Variants in SASH1 observed in about 807,000 individuals in gnomAD.
SASH1 encodes SAM and SH3 domain containing 1, also known as SAM and SH3 domain-containing protein 1.
Under a neutral mutation model 125.2 loss-of-function variants are expected in SASH1, and 44 were observed. The ratio of observed to expected loss-of-function variants is 0.35; its 90% CI spans 0.28 to 0.45. The LOEUF (loss-of-function observed/expected upper bound fraction) is 0.45. Among genes scored for constraint, SASH1 ranks in the 20% least tolerant of loss-of-function variants. The pLI, the probability that SASH1 is intolerant of heterozygous loss-of-function variation, is 1.00. For synonymous variants in SASH1, 639 were observed against 649.1 expected, an observed-to-expected ratio of 0.98 and a Z score of 0.24; for missense variants, 1,426 against 1,614.5, an observed-to-expected ratio of 0.88 and a Z score of 2.00.
chr6:148,380,427 C>T (rs1404398172), intron 1 of SASH1, among the ~76,000 whole-genome samples: 2 of 152,188 alleles, frequency 1.3e-5, no homozygotes, highest in East Asian at 1.9e-4. Context: ...CACAGCCTCA[C>T]GTTTGTGTGC....
intron 1 of SASH1, among the ~76,000 whole-genome samples, chr6:148,371,708 A>C (rs1398728553): frequency 2.0e-5 from 3 of 152,064 alleles, no homozygotes; most frequent in African/African-American, 7.2e-5. Flanking sequence ...GTGGTCCTAA[A>C]TAAGGAAAGG....
At chr6:148,390,820 T>A (rs9485290) in intron 2 of SASH1, among the ~76,000 whole-genome samples, 40,649 of 151,840 alleles carry the variant, frequency 0.27, 5,503 homozygotes, top group South Asian at 0.38. Flanking sequence ...ATTTTTATTT[T>A]TTTACTTAAG....
intron 1 of SASH1, among the ~76,000 whole-genome samples, chr6:148,362,355 T>C (rs977582662): frequency 6.6e-6 from 1 of 151,928 alleles, no homozygotes; most frequent in Non-Finnish European, 1.5e-5. Flanking sequence ...CCCGAGTAGC[T>C]GGGATTACAG....
intron 1 of SASH1, among the ~76,000 whole-genome samples, chr6:148,314,062 G>A (rs1780409638): frequency 6.7e-6 from 1 of 149,904 alleles, no homozygotes; most frequent in Non-Finnish European, 1.5e-5. Context: ...CTCAGACATG[G>A]TCTAGAGAGA....
intron 8 of SASH1, among the ~76,000 whole-genome samples, chr6:148,506,851 G>A (rs185922577): frequency 2.0e-5 from 3 of 152,174 alleles, no homozygotes; most frequent in Non-Finnish European, 4.4e-5. Flanking sequence ...ATGAAGAAAG[G>A]TCTTGTTGAG....
Position 148,465,318 on chromosome 6 carries a change from G to A in SASH1, c.387-3227G>A, listed in dbSNP as rs555267400. Among the ~76,000 whole-genome samples the A allele has an allele frequency of 2.6e-5, 4 of 152,192 alleles. No homozygotes were observed. In the South Asian group the frequency reaches 8.3e-4, roughly 32 times the overall value. ...TGCAATCCCAGCACTTTGGGAGGCC[G>A]AGGCGGGCAAATCACCTGAGGTCAG... On this transcript the variant is annotated intron_variant, in intron 4 of 19. Coordinates refer to ENST00000367467, the MANE Select transcript of SASH1 (RefSeq NM_015278.5).
At chr6:148,361,324 G>A (rs1287506285) in intron 1 of SASH1, among the ~76,000 whole-genome samples, 4 of 152,170 alleles carry the variant, frequency 2.6e-5, no homozygotes, top group African/African-American at 4.8e-5. Context: ...AAGGCCAGAC[G>A]CGGTGGCTCA....
At chr6:148,356,494 C>CTTTTTTTTTTTTTTTTTTTTTTTTTT (rs57183555) in intron 1 of SASH1, among the ~76,000 whole-genome samples, 1 of 116,284 alleles carries the variant, frequency 8.6e-6, no homozygotes, top group Non-Finnish European at 1.7e-5. Flanking sequence ...ACTTTTAGTT[C>CTTTTTTTTTTTTTTTTTTTTTTTTTT]TTTTTTTTTT....
rs764537594 is a variant in SASH1 at position 148,540,545 on chromosome 6, A to G, written c.2198A>G (p.Asn733Ser). ...TCAGGATGCTACGAAAGCAGTGAGAACCTGGAAAACGGTAATGTCAGCATG... is the reference window on the plus strand; with the variant it reads ...TCAGGATGCTACGAAAGCAGTGAGAGCCTGGAAAACGGTAATGTCAGCATG... Reference protein sequence around the residue: ...RDSGCYESSENLENGKTRKAS... With the variant: ...RDSGCYESSESLENGKTRKAS... Residue 733 changes from asparagine (N) to serine (S), a missense_variant, in exon 17 of 20, where the codon AAC (asparagine) becomes AGC (serine). By Grantham distance (46) the Asn-to-Ser change is conservative. Around this residue, in one of 3 missense-constraint regions of SASH1, gnomAD observed 634 missense variants for 694.4 expected, o/e 0.91. Coordinates refer to ENST00000367467, the MANE Select transcript of SASH1 (RefSeq NM_015278.5). The G allele has an allele frequency of 4.3e-6, 7 of 1,613,500 alleles. No homozygotes were observed. The South Asian group carries it at 7.7e-5, about 18-fold the overall frequency.
chr6:148,410,224 C>A (rs1032577314), intron 2 of SASH1, among the ~76,000 whole-genome samples: 5 of 148,478 alleles, frequency 3.4e-5, no homozygotes, highest in Middle Eastern at 3.6e-3. Context: ...AATTCTCCTG[C>A]CTCAGCCTCG....
rs532782304 is a variant in SASH1 at position 148,384,000 on chromosome 6, G to A, written c.157-6134G>A. ...GGAAGATTATACAAGTTTGTTGTCCGTTGAGCTGACACGGGTGATGACTCC... is the reference window on the plus strand; with the variant it reads ...GGAAGATTATACAAGTTTGTTGTCCATTGAGCTGACACGGGTGATGACTCC... On this transcript the variant is annotated intron_variant, in intron 1 of 19. Coordinates refer to ENST00000367467, the MANE Select transcript of SASH1 (RefSeq NM_015278.5). Among the ~76,000 whole-genome samples the A allele has an allele frequency of 7.9e-5, 12 of 152,264 alleles. No individual in the cohort carries two copies. The South Asian group carries it at 1.0e-3, about 13-fold the overall frequency.
At chr6:148,220,788 C>T in the SASH1 span, among the ~76,000 whole-genome samples, 1 of 152,144 alleles carries the variant, frequency 6.6e-6, no homozygotes, top group African/African-American at 2.4e-5. Flanking sequence ...GTGGCACGCG[C>T]CTGTAGTCCC....
At chr6:148,346,823 A>G (rs1016413155) in intron 1 of SASH1, among the ~76,000 whole-genome samples, 1 of 152,230 alleles carries the variant, frequency 6.6e-6, no homozygotes, top group Non-Finnish European at 1.5e-5. Context: ...CAACATGTTT[A>G]TAAGCCCTGA....
intron 8 of SASH1, among the ~76,000 whole-genome samples, chr6:148,492,399 T>C (rs1779142812): frequency 6.6e-6 from 1 of 152,220 alleles, no homozygotes; most frequent in Non-Finnish European, 1.5e-5. Context: ...CTTTATTCAT[T>C]TGGGAGACGT....
chr6:148,357,100 A>G (rs1376719042), intron 1 of SASH1, among the ~76,000 whole-genome samples: 1 of 152,052 alleles, frequency 6.6e-6, no homozygotes, highest in Non-Finnish European at 1.5e-5. Context: ...TGTTGGGTGT[A>G]TAGTTTGCGA....
chr6:148,417,914 T>C (rs928230788), intron 2 of SASH1, among the ~76,000 whole-genome samples: 1 of 152,192 alleles, frequency 6.6e-6, no homozygotes, highest in Non-Finnish European at 1.5e-5. Flanking sequence ...TTGATGATGA[T>C]GATGGTTATG....
chr6:148,380,763 G>A (rs905624789), intron 1 of SASH1, among the ~76,000 whole-genome samples: 7 of 152,158 alleles, frequency 4.6e-5, no homozygotes, highest in Non-Finnish European at 1.0e-4. Context: ...CAGCAGATTG[G>A]ATTTTTCAGA....
At chr6:148,534,972 A>G (rs1227230700) in intron 16 of SASH1, 71 bp downstream of exon 16, 3 of 1,507,504 alleles carry the variant, frequency 2.0e-6, no homozygotes, top group African/African-American at 2.8e-5. Flanking sequence ...TGCTGCCAGT[A>G]TGTGCTTAGG....
intron 2 of SASH1, among the ~76,000 whole-genome samples, chr6:148,433,459 T>A (rs1168020916): frequency 6.8e-6 from 1 of 147,980 alleles, no homozygotes; most frequent in African/African-American, 2.5e-5. Context: ...CAGGGTGGAG[T>A]GCAGTGGCGT....
Sources: gnomAD v4.1 joint callset for allele counts (sites outside exome capture counted in the v4.1 genomes callset) on GRCh38, gnomAD v4.1.1 for gene constraint, gnomAD v4.1.1 regional missense constraint, MANE v1.5 for transcripts, NCBI Gene and HGNC (gene_info 2026-07-23, HGNC 2026-07-21) for gene names.